SLCO1B3: variants seen among roughly 807,000 people sequenced by gnomAD.
SLCO1B3 encodes solute carrier organic anion transporter family member 1B3.
SLCO1B3 carries 72 observed loss-of-function variants against 71.8 expected under a neutral mutation model. The ratio of observed to expected loss-of-function variants is 1.00; its 90% CI spans 0.83 to 1.22. The LOEUF (loss-of-function observed/expected upper bound fraction) is 1.22, where lower values mean the gene tolerates loss of function less well. Ranked by LOEUF, SLCO1B3 falls within the 50% of genes most tolerant of loss-of-function variation. SLCO1B3 has a pLI of 0.00. For synonymous variants in SLCO1B3, 298 were observed against 278.4 expected, an observed-to-expected ratio of 1.07 and a Z score of -0.70; for missense variants, 911 against 819.7, an observed-to-expected ratio of 1.11 and a Z score of -1.36.
intron 3 of SLCO1B3, among the ~76,000 whole-genome samples, chr12:20,834,338 G>A (rs948556411): frequency 7.1e-6 from 1 of 141,510 alleles, no homozygotes; most frequent in African/African-American, 2.5e-5. Context: ...TATGTTGTAA[G>A]CTATATATGT....
chr12:20,813,681 A>G (rs1413451890), intron 2 of SLCO1B3, 43 bp downstream of exon 2: 2 of 152,222 alleles, frequency 1.3e-5, no homozygotes, highest in Non-Finnish European at 2.9e-5. Flanking sequence ...ATTGGCCACT[A>G]ATTCAATGTT....
At chr12:20,826,852 TTTTCC>T (rs1375740595) in intron 3 of SLCO1B3, among the ~76,000 whole-genome samples, 1 of 152,080 alleles carries the variant, frequency 6.6e-6, no homozygotes, top group Non-Finnish European at 1.5e-5. Flanking sequence ...ACAAAAATTA[TTTTCC>T]TTTAAATAAG....
Position 20,815,676 on chromosome 12 carries a change from G to T in SLCO1B3, c.-63G>T. 9.4e-7 allele frequency: 1 copy of T among 1,066,960 alleles called. No homozygotes were observed. Among genetic ancestry groups the T allele is most frequent in the South Asian group, 1.4e-5 (1 of 72,058 alleles). The allele number at this position is 1,066,960 out of a possible 1,614,324, so 66.1% of individuals were successfully genotyped here. ...TTATACTTTTTCTTTTTTAACAGGT[G>T]ATCATTTCAAACCAAGCATCAGCAA... On this transcript the variant is annotated splice_region_variant and 5_prime_UTR_variant, in exon 3 of 16. It removes the in-frame stop codon of an upstream open reading frame in the 5' UTR. Coordinates refer to ENST00000381545, the MANE Select transcript of SLCO1B3 (RefSeq NM_019844.4).
intron 3 of SLCO1B3, among the ~76,000 whole-genome samples, chr12:20,841,695 A>C (rs1222818519): frequency 1.3e-5 from 2 of 152,138 alleles, no homozygotes; most frequent in Non-Finnish European, 2.9e-5. Context: ...CATAGTTACC[A>C]ACAGGTACTT....
rs768200691 is a variant in SLCO1B3, at chr12:20,880,905, C to T, written c.1382C>T (p.Ser461Leu). 27 of 1,610,408 alleles carry T rather than the reference C, an allele frequency of 1.7e-5. No individual in the cohort carries two copies. Among genetic ancestry groups the T allele is most frequent in the Non-Finnish European group, 2.2e-5 (26 of 1,176,950 alleles). The change falls in exon 12 of 16, where the codon TCA (serine) becomes TTA (leucine). Residue 461 changes from serine (S) to leucine (L), a missense_variant. Physicochemically the swap from Ser to Leu is moderately radical, Grantham distance 145. Transcript: ENST00000381545. ...GATGTACCACTTTCTTATTGCAACT[C>T]AGAGTGCAATTGTGATGAAAGTCAG... ...HVDVPLSYCNSECNCDESQWE... is the reference protein window; with the variant it reads ...HVDVPLSYCNLECNCDESQWE...
intron 3 of SLCO1B3, chr12:20,845,155 G>A (rs573505650): frequency 3.8e-4 from 176 of 461,356 alleles, no homozygotes; most frequent in African/African-American, 3.1e-3. Context: ...TGAGCTCACC[G>A]GGCTGATTGT....
intron 13 of SLCO1B3, among the ~76,000 whole-genome samples, chr12:20,896,635 C>G (rs1866011765): frequency 6.6e-6 from 1 of 152,166 alleles, no homozygotes; most frequent in Non-Finnish European, 1.5e-5. Context: ...TCCAAACTTT[C>G]CCATATTTTC....
intron 3 of SLCO1B3, among the ~76,000 whole-genome samples, chr12:20,835,187 C>A (rs962667928): frequency 6.6e-6 from 1 of 152,180 alleles, no homozygotes; most frequent in East Asian, 1.9e-4. Flanking sequence ...AGACTGCACA[C>A]AGCAGGGGGG....
chr12:20,843,402 T>C (rs1864842954), intron 3 of SLCO1B3, among the ~76,000 whole-genome samples: 1 of 152,188 alleles, frequency 6.6e-6, no homozygotes, highest in South Asian at 2.1e-4. Context: ...TGAGACCTTA[T>C]ATGCTCAATA....
chr12:20,867,942 A>G (rs189969072), intron 8 of SLCO1B3, among the ~76,000 whole-genome samples: 1 of 152,252 alleles, frequency 6.6e-6, no homozygotes, highest in African/African-American at 2.4e-5. Context: ...GAAAGCAAGA[A>G]CAGTGCCTCC....
At chr12:20,897,796 A>G (rs1476363386) in intron 13 of SLCO1B3, among the ~76,000 whole-genome samples, 1 of 152,192 alleles carries the variant, frequency 6.6e-6, no homozygotes, top group Non-Finnish European at 1.5e-5. Flanking sequence ...GTACTAAGTT[A>G]TCACAGGGAT....
chr12:20,900,047 T>A (rs1232432272), intron 14 of SLCO1B3, among the ~76,000 whole-genome samples: 2 of 152,332 alleles, frequency 1.3e-5, no homozygotes, highest in Non-Finnish European at 2.9e-5. Context: ...CAAAGTTTGT[T>A]ACTTAAAACA....
chr12:20,815,457 T>C (rs1864176245), intron 2 of SLCO1B3, among the ~76,000 whole-genome samples: 1 of 152,194 alleles, frequency 6.6e-6, no homozygotes, highest in African/African-American at 2.4e-5. Context: ...ATGAAAATTA[T>C]TTTTCTAAGC....
intron 3 of SLCO1B3, among the ~76,000 whole-genome samples, chr12:20,849,288 T>C (rs551797127): frequency 1.9e-4 from 29 of 151,950 alleles, no homozygotes; most frequent in Admixed American, 1.7e-3. Flanking sequence ...AGGAATGCAA[T>C]ATATTAAGCA....
At chr12:20,879,154 C>T (rs1056009731) in intron 10 of SLCO1B3, among the ~76,000 whole-genome samples, 1 of 150,392 alleles carries the variant, frequency 6.6e-6, no homozygotes, top group Admixed American at 6.6e-5. Flanking sequence ...TTTTGTCTCT[C>T]ATGTGGGTAT....
At chr12:20,915,919 A>G in intron 15 of SLCO1B3, 85 bp from the exon 16 acceptor site, 1 of 988,066 alleles carries the variant, frequency 1.0e-6, no homozygotes. Flanking sequence ...TCTTTCTTTT[A>G]AGATATGCAT....
chr12:20,898,258 ATCAC>A, intron 13 of SLCO1B3, among the ~76,000 whole-genome samples, 174 bp from the exon 14 acceptor site: 1 of 152,178 alleles, frequency 6.6e-6, no homozygotes, highest in Non-Finnish European at 1.5e-5. Context: ...TATTATTATT[ATCAC>A]TCAGGTGTTT....
rs528530013 is a variant in SLCO1B3, at chr12:20,815,848, C to G, written c.84+26C>G. The G allele has an allele frequency of 6.2e-6, 9 of 1,461,480 alleles. No homozygotes were observed. In the South Asian group the frequency reaches 1.2e-4, roughly 19 times the overall value. The allele number at this position is 1,461,480 out of a possible 1,614,324, so 90.5% of individuals were successfully genotyped here. On this transcript the variant is annotated intron_variant, in intron 3 of 15. Transcript: ENST00000381545. ...GTAGAATGGGTTTTATATTTTCAAACTAAAATAAGTTAATGGAAAATTTTT... is the reference window on the plus strand; with the variant it reads ...GTAGAATGGGTTTTATATTTTCAAAGTAAAATAAGTTAATGGAAAATTTTT...
chr12:20,902,296 G>A (rs1459652090), intron 15 of SLCO1B3: 1 of 154,340 alleles, frequency 6.5e-6, no homozygotes, highest in Non-Finnish European at 1.4e-5. Flanking sequence ...TAGTGTATAA[G>A]CGTTCCCTTT....
Sources: gnomAD v4.1 joint callset for allele counts (sites outside exome capture counted in the v4.1 genomes callset) on GRCh38, gnomAD v4.1.1 for gene constraint, MANE v1.5 for transcripts, NCBI Gene and HGNC (gene_info 2026-07-23, HGNC 2026-07-21) for gene names.